ITGA7: variants seen among roughly 807,000 people sequenced by gnomAD.
ITGA7 encodes the protein integrin subunit alpha 7, also known as integrin alpha-7.
In ITGA7, 84 loss-of-function variants were observed where a neutral mutation model predicts 131.6. The observed-to-expected ratio is 0.64, with a 90% confidence interval of 0.54 to 0.77. The LOEUF is 0.77. Ranked by LOEUF, ITGA7 falls within the 30% of genes least tolerant of loss-of-function variation. The pLI, the probability that ITGA7 is intolerant of heterozygous loss-of-function variation, is 0.00. For synonymous variants in ITGA7, 548 were observed against 600.7 expected (o/e 0.91, Z 1.28); for missense variants, 1,399 against 1,482.9 (o/e 0.94, Z 0.93).
chr12:55,697,638 A>G (rs1872941195), intron 9 of ITGA7, 57 bp downstream of exon 9: 1 of 1,613,514 alleles, frequency 6.2e-7, no homozygotes, highest in Non-Finnish European at 8.5e-7. Context: ...GGTCGGGGTC[A>G]GAGTCACAGG....
chr12:55,699,974 G>T lies in ITGA7; in HGVS notation c.686C>A (p.Thr229Asn), dbSNP rs1873594243. The T allele has an allele frequency of 6.2e-7, 1 of 1,614,014 alleles. No homozygotes were observed. The highest frequency in any genetic ancestry group is 1.3e-5 in the African/African-American group (1 of 74,898). Residue 229 changes from threonine to asparagine, a missense_variant, in exon 5 of 25, where the codon ACC (threonine) becomes AAC (asparagine). Transcript: ENST00000257879. The stretch of plus-strand genomic sequence containing the variant: ...GTCGGGGTCTGAGCTATCAATGTTG[G>T]TCACAAAAAGCAACCCTGTGGGGGG... ...TYNWKGLLFV[T>N]NIDSSDPDQL... is the part of the protein sequence containing the mutation.
intron 21 of ITGA7, among the ~76,000 whole-genome samples, 184 bp from the exon 22 acceptor site, chr12:55,689,141 G>T (rs1180783468): frequency 6.6e-6 from 1 of 152,198 alleles, no homozygotes; most frequent in African/African-American, 2.4e-5. Context: ...ATGCGTGGAG[G>T]GGGCAGCATG....
At chr12:55,692,210 C>T (rs955036445) in intron 21 of ITGA7, among the ~76,000 whole-genome samples, 3 of 152,118 alleles carry the variant, frequency 2.0e-5, no homozygotes, top group African/African-American at 4.8e-5. Context: ...GTTAGGAGTT[C>T]GAGACCAGCC....
intron 3 of ITGA7, 105 bp from the exon 4 acceptor site, chr12:55,701,259 TCACATGCACATG>T (rs373790389): frequency 3.8e-6 from 6 of 1,562,456 alleles, no homozygotes; most frequent in East Asian, 2.2e-5. Flanking sequence ...ACATGTGTGC[TCACATGCACATG>T]CACATGCACA....
chr12:55,701,215 G>A (rs1873938987), intron 3 of ITGA7, 61 bp from the exon 4 acceptor site: 4 of 1,611,554 alleles, frequency 2.5e-6, no homozygotes, highest in East Asian at 2.2e-5. Context: ...CTTGAGGCAT[G>A]CTGCCCATAT....
intron 5 of ITGA7, 61 bp downstream of exon 5, chr12:55,699,809 C>G: frequency 6.4e-7 from 1 of 1,562,634 alleles, no homozygotes; most frequent in Non-Finnish European, 8.7e-7. Context: ...GTCGAGTTCC[C>G]TGGGGAAGGA....
chr12:55,702,832 C>T, intron 3 of ITGA7, 40 bp downstream of exon 3: 1 of 1,547,322 alleles, frequency 6.5e-7, no homozygotes, highest in Non-Finnish European at 8.9e-7. Flanking sequence ...CACACACACA[C>T]ACCCCATCCG....
chr12:55,701,205 C>A (rs752128684), intron 3 of ITGA7, 51 bp from the exon 4 acceptor site: 1 of 1,613,532 alleles, frequency 6.2e-7, no homozygotes, highest in East Asian at 2.2e-5. Flanking sequence ...CAGGGACCTG[C>A]TTGAGGCATG....
upstream of ITGA7, among the ~76,000 whole-genome samples, chr12:55,713,230 G>A (rs1876262917): frequency 6.6e-6 from 1 of 152,138 alleles, no homozygotes; most frequent in South Asian, 2.1e-4. Context: ...ACAGAGCCAG[G>A]CTGCTCTGTG....
In ITGA7 at chr12:55,694,767, C is replaced by CA. The variant is rs779547255; in HGVS notation, c.2196+10dup. The stretch of plus-strand genomic sequence containing the variant: ...TCAAGACCCCACCCCATCCTGCCCC[C>CA]AGGTCCTCACCGCAGGGTCCAGGGC... On this transcript the variant is annotated intron_variant, in intron 15 of 24. Coordinates refer to ENST00000257879, the MANE Select transcript of ITGA7 (RefSeq NM_002206.3). This position sits in a 1 kb window ranked among gnomAD's most constrained non-coding sequence, Gnocchi z 5.3. 6.2e-7 allele frequency: 1 copy of CA among 1,613,938 alleles called. No homozygotes were observed. The highest frequency in any genetic ancestry group is 1.3e-5 in the African/African-American group (1 of 74,882).
In ITGA7 at chr12:55,694,606, T is replaced by C; in HGVS notation, c.2277+9A>G. ...CTACTCACGTAGGGATAAGGGCAGA[T>C]GTGCCAACCTGGGCACCTCTCTTCA... On this transcript the variant is annotated intron_variant, in intron 16 of 24. Transcript: ENST00000257879. This position sits in a 1 kb window ranked among gnomAD's most constrained non-coding sequence, Gnocchi z 5.3. 6.2e-7 allele frequency: 1 copy of C among 1,613,914 alleles called. No homozygotes were observed. The highest frequency in any genetic ancestry group is 8.5e-7 in the Non-Finnish European group (1 of 1,179,788).
chr12:55,711,990 T>G, upstream of ITGA7: 14 of 1,231,022 alleles, frequency 1.1e-5, no homozygotes, highest in Non-Finnish European at 1.6e-5. Context: ...AACAGAGCCT[T>G]GGAGCTTATG....
upstream of ITGA7, among the ~76,000 whole-genome samples, chr12:55,709,271 T>C (rs1875809939): frequency 6.6e-6 from 1 of 152,230 alleles, no homozygotes; most frequent in Non-Finnish European, 1.5e-5. Flanking sequence ...TTCCCTTTCT[T>C]AAAAGTTCCA....
intron 5 of ITGA7, 87 bp downstream of exon 5, chr12:55,699,783 T>C: frequency 6.7e-7 from 1 of 1,487,676 alleles, no homozygotes; most frequent in Non-Finnish European, 9.2e-7. Context: ...GAGGAGGAGA[T>C]TATAAGGCAC....
chr12:55,691,972 G>T (rs1294562480), intron 21 of ITGA7, among the ~76,000 whole-genome samples: 1 of 152,180 alleles, frequency 6.6e-6, no homozygotes, highest in East Asian at 1.9e-4. Flanking sequence ...GAGGGGCACA[G>T]AGCATGTGCG....
In ITGA7 at chr12:55,694,866, G is replaced by C; in HGVS notation, c.2108C>G (p.Ala703Gly). 2 of 1,614,044 alleles carry C rather than the reference G, an allele frequency of 1.2e-6. No individual in the cohort carries two copies. The highest frequency in any genetic ancestry group is 1.7e-6 in the Non-Finnish European group (2 of 1,179,982). ...GGCTTCATGGGCATCATCCCCATCAGCCTGGGGCTGGGCTGGGTCCGATGG... is the reference window on the plus strand; with the variant it reads ...GGCTTCATGGGCATCATCCCCATCACCCTGGGGCTGGGCTGGGTCCGATGG... ...NLPSDPAQPQ[A>G]DGDDAHEAQL... is the part of the protein sequence containing the mutation. Residue 703 changes from alanine (A) to glycine (G), a missense_variant, in exon 15 of 25, where the codon GCT becomes GGT. Physicochemically the swap from Ala to Gly is moderately conservative, Grantham distance 60 (BLOSUM62 0). Transcript: ENST00000257879. This position sits in a 1 kb window ranked among gnomAD's most constrained non-coding sequence, Gnocchi z 5.3.
At chr12:55,708,410 C>G (rs1335179679), upstream of ITGA7, among the ~76,000 whole-genome samples, 2 of 152,016 alleles carry the variant, frequency 1.3e-5, no homozygotes, top group African/African-American at 2.4e-5. Flanking sequence ...TGCCCTCCCC[C>G]ATCCTATCCC....
chr12:55,699,031 C>T (rs1198736269), intron 5 of ITGA7, 114 bp from the exon 6 acceptor site: 15 of 940,092 alleles, frequency 1.6e-5, no homozygotes, highest in Admixed American at 4.1e-5. Flanking sequence ...CAAGTCACAG[C>T]TCCCCTGCAC....
chr12:55,697,287 C>T lies in ITGA7; in HGVS notation c.1506-10G>A, dbSNP rs370761565. 3.8e-5 allele frequency: 61 copies of T among 1,590,704 alleles called. No individual in the cohort carries two copies. The African/African-American group carries it at 7.5e-4, about 20-fold the overall frequency. ...GACCCTTAGGTCCACACTGCGGGGGCAAAGGTGGCTCCTGAGCCAAACGAG... is the reference window on the plus strand; with the variant it reads ...GACCCTTAGGTCCACACTGCGGGGGTAAAGGTGGCTCCTGAGCCAAACGAG... On this transcript the variant is annotated splice_polypyrimidine_tract_variant and intron_variant, in intron 10 of 24. Transcript: ENST00000257879.
Sources: gnomAD v4.1 joint callset for allele counts (sites outside exome capture counted in the v4.1 genomes callset) on GRCh38, gnomAD v4.1.1 for gene constraint, Gnocchi (gnomAD v3.1) non-coding constraint, MANE v1.5 for transcripts, NCBI Gene and HGNC (gene_info 2026-07-23, HGNC 2026-07-21) for gene names.